The following TTC34 variants were observed in gnomAD, a reference collection of about 807,000 sequenced individuals.
The protein encoded by TTC34 is tetratricopeptide repeat domain 34.
In TTC34, 44 loss-of-function variants were observed where a neutral mutation model predicts 40.7. The observed-to-expected ratio is 1.08, with a 90% confidence interval of 0.85 to 1.39. The LOEUF (loss-of-function observed/expected upper bound fraction) is 1.39, where lower values mean the gene tolerates loss of function less well. Among genes scored for constraint, TTC34 ranks in the 40% most tolerant of loss-of-function variants. The pLI, the probability that TTC34 is intolerant of heterozygous loss-of-function variation, is 0.00. For synonymous variants in TTC34, 422 were observed against 398.6 expected, an observed-to-expected ratio of 1.06 and a Z score of -0.70; for missense variants, 884 against 838.0, an observed-to-expected ratio of 1.05 and a Z score of -0.68.
chr1:2,748,419 AG>A (rs1641216451), intron 6 of TTC34, among the ~76,000 whole-genome samples: 1 of 148,316 alleles, frequency 6.7e-6, no homozygotes. Context: ...AGCATCTGAG[AG>A]GCTGGAACAG....
intron 6 of TTC34, chr1:2,776,439 C>T (rs1232029758): frequency 2.3e-5 from 3 of 127,694 alleles, no homozygotes; most frequent in Non-Finnish European, 4.7e-5. Flanking sequence ...GGAACAAGAC[C>T]ACTGCCCCCA....
chr1:2,687,387 C>G (rs576166438), intron 6 of TTC34, among the ~76,000 whole-genome samples: 1 of 148,640 alleles, frequency 6.7e-6, no homozygotes, highest in African/African-American at 2.5e-5. Flanking sequence ...CATCTGACAG[C>G]CTGGAACGGC....
At chr1:2,760,365 C>T (rs1641656880) in intron 6 of TTC34, among the ~76,000 whole-genome samples, 1 of 45,938 alleles carries the variant, frequency 2.2e-5, no homozygotes, top group Non-Finnish European at 3.5e-5. Flanking sequence ...ACCCCACACC[C>T]CAAGGTGAGT....
chr1:2,650,913 G>A (rs937872223), intron 6 of TTC34, among the ~76,000 whole-genome samples: 11 of 151,668 alleles, frequency 7.3e-5, no homozygotes, highest in South Asian at 4.2e-4. Flanking sequence ...ACACCCCCAG[G>A]TGAGCATCTG....
At chr1:2,790,333 G>A (rs778681685) in exon 3 of TTC34, 2 of 398,330 alleles carry the variant, frequency 5.0e-6, no homozygotes, top group Non-Finnish European at 8.9e-6. Context: ...CCAGCAGGGC[G>A]GCTCGGCGCT....
At chr1:2,685,977 A>ATGGT (rs1640321653) in intron 6 of TTC34, among the ~76,000 whole-genome samples, 7 of 110,752 alleles carry the variant, frequency 6.3e-5, no homozygotes, top group East Asian at 2.7e-4. Context: ...CGAGCATCTG[A>ATGGT]CTGCATGTAT....
rs535999386 is a variant in TTC34, at chr1:2,687,186, C to T, written c.2227-41623G>A. ...ACACACACAGGCGAGCATCTGAACC[C>T]ACGGAGCAGCACCCACACCTCCCGG... On this transcript the variant is annotated intron_variant, in intron 6 of 8. Transcript: ENST00000401095. Among the ~76,000 whole-genome samples, 28 of 144,404 alleles carry T rather than the reference C, an allele frequency of 1.9e-4. 2 individuals are homozygous for T. The highest frequency in any genetic ancestry group is 6.9e-4 in the African/African-American group (24 of 34,914). 94.7% of individuals were successfully genotyped at this position (144,404 alleles called of 152,430 possible).
chr1:2,793,645 A>G (rs1643684844), intron 2 of TTC34, among the ~76,000 whole-genome samples: 1 of 152,162 alleles, frequency 6.6e-6, no homozygotes, highest in Non-Finnish European at 1.5e-5. Flanking sequence ...GCAAGGTGAG[A>G]GGTAGGAAAT....
intron 5 of TTC34, among the ~76,000 whole-genome samples, chr1:2,784,567 T>TG (rs1557688923): frequency 1.3e-5 from 2 of 152,088 alleles, no homozygotes; most frequent in African/African-American, 4.8e-5. Flanking sequence ...CAGACACTGG[T>TG]GTTACCACTT....
intron 6 of TTC34, among the ~76,000 whole-genome samples, chr1:2,656,359 TG>T (rs1639344851): frequency 7.0e-6 from 1 of 141,850 alleles, no homozygotes; most frequent in African/African-American, 2.7e-5. Flanking sequence ...TCTGACAGCC[TG>T]GAACAGCACC....
Position 2,751,210 on chromosome 1 carries a change from T to G in TTC34, c.2226+32399A>C, listed in dbSNP as rs1259357025. Among the ~76,000 whole-genome samples the G allele has an allele frequency of 6.9e-3, 117 of 17,054 alleles. 33 individuals are homozygous for G. The highest frequency in any genetic ancestry group is 0.033 in the African/African-American group (112 of 3,422). 11.2% of individuals were successfully genotyped at this position (17,054 alleles called of 152,430 possible). ...ACAGCCTGGAGCAGCACCCACACCC[T>G]CAGGTGAGCATCTGACAGCCTGGAG... On this transcript the variant is annotated intron_variant, in intron 6 of 8. Transcript: ENST00000401095.
chr1:2,787,685 C>G (rs1282053533), exon 4 of TTC34: 1 of 1,546,568 alleles, frequency 6.5e-7, no homozygotes, highest in Non-Finnish European at 8.7e-7. Flanking sequence ...GTGTGGCCAG[C>G]TGGTGCACGC....
exon 9 of TTC34, chr1:2,637,369 G>A (rs1203074384): frequency 6.6e-6 from 1 of 152,160 alleles, no homozygotes; most frequent in Non-Finnish European, 1.5e-5. Context: ...TCGGAGGTGG[G>A]GTTTCACTGG....
At chr1:2,769,725 T>G in intron 6 of TTC34, among the ~76,000 whole-genome samples, 1 of 149,036 alleles carries the variant, frequency 6.7e-6, no homozygotes, top group African/African-American at 2.5e-5. Flanking sequence ...CAGGTGAGCA[T>G]CTGACAGCCT....
At chr1:2,764,233 C>A (rs1182324188) in intron 6 of TTC34, among the ~76,000 whole-genome samples, 1 of 150,090 alleles carries the variant, frequency 6.7e-6, no homozygotes, top group Non-Finnish European at 1.5e-5. Context: ...CCCAGGCGAG[C>A]ATCTGACAGC....
chr1:2,662,416 A>C (rs1260307343), intron 6 of TTC34, among the ~76,000 whole-genome samples: 195 of 100,430 alleles, frequency 1.9e-3, no homozygotes, highest in African/African-American at 5.7e-3. Flanking sequence ...TGAACATCAG[A>C]GAGTCTGGAG....
intron 6 of TTC34, among the ~76,000 whole-genome samples, chr1:2,685,868 A>G (rs1640313877): frequency 1.3e-5 from 2 of 149,716 alleles, no homozygotes; most frequent in Non-Finnish European, 3.0e-5. Context: ...AGCCTGGAAC[A>G]GCACCCTGCA....
chr1:2,751,381 C>G (rs1436319033), intron 6 of TTC34, among the ~76,000 whole-genome samples: 13 of 140,820 alleles, frequency 9.2e-5, no homozygotes, highest in South Asian at 2.3e-4. Flanking sequence ...AGGTGCGCAT[C>G]TGATGGTCTG....
exon 6 of TTC34, chr1:2,783,703 A>G: frequency 6.5e-7 from 1 of 1,545,830 alleles, no homozygotes; most frequent in Non-Finnish European, 8.7e-7. Context: ...GAAGTCGAAC[A>G]TGGCCGTCTT....
Sources: gnomAD v4.1 joint callset for allele counts (sites outside exome capture counted in the v4.1 genomes callset) on GRCh38, gnomAD v4.1.1 for gene constraint, MANE v1.5 for transcripts, NCBI Gene and HGNC (gene_info 2026-07-23, HGNC 2026-07-21) for gene names.